The following TXNRD2 variants were observed in gnomAD, a reference collection of about 807,000 sequenced individuals.
The protein encoded by TXNRD2 is thioredoxin reductase 2, also known as thioredoxin reductase 2, mitochondrial.
A neutral mutation model predicts 70.8 loss-of-function variants in TXNRD2; 67 were observed. The ratio of observed to expected loss-of-function variants is 0.95; its 90% confidence interval spans 0.78 to 1.16. TXNRD2 has a LOEUF of 1.16. TXNRD2 is among the 50% of genes most tolerant of loss of function. The pLI is 0.00. For missense variants in TXNRD2, 644 were observed against 719.9 expected (o/e 0.89, Z 1.21); for synonymous variants, 301 against 295.8 (o/e 1.02, Z -0.18).
chr22:19,877,890 C>T (rs1448333964), intron 16 of TXNRD2, among the ~76,000 whole-genome samples, 200 bp downstream of exon 16: 1 of 152,148 alleles, frequency 6.6e-6, no homozygotes, highest in Non-Finnish European at 1.5e-5. Context: ...GCTGGCTCAA[C>T]AGCGTCTGGC....
intron 5 of TXNRD2, 154 bp from the exon 6 acceptor site, chr22:19,915,997 T>G (rs1940622607): frequency 1.5e-6 from 1 of 684,132 alleles, no homozygotes; most frequent in African/African-American, 1.8e-5. Flanking sequence ...GCAACCATGC[T>G]GAGAAGCATG....
intron 14 of TXNRD2, among the ~76,000 whole-genome samples, chr22:19,879,702 T>G (rs1938672281): frequency 6.6e-6 from 1 of 151,106 alleles, no homozygotes; most frequent in African/African-American, 2.4e-5. Context: ...CCCTGCAAGG[T>G]GGGGACAGCA....
At chr22:19,891,701 G>C (rs552237143) in intron 11 of TXNRD2, 11 of 152,286 alleles carry the variant, frequency 7.2e-5, no homozygotes, top group African/African-American at 2.2e-4. Flanking sequence ...CGCTGTAATC[G>C]GCACATCTGC....
chr22:19,929,094 G>A (rs1410557327), intron 2 of TXNRD2, among the ~76,000 whole-genome samples: 2 of 151,834 alleles, frequency 1.3e-5, no homozygotes, highest in East Asian at 1.9e-4. Flanking sequence ...TTGGGAGGCC[G>A]AGGTGGGTGG....
At chr22:19,932,580 C>T in intron 1 of TXNRD2, 1 of 1,458,476 alleles carries the variant, frequency 6.9e-7, no homozygotes, top group Non-Finnish European at 9.1e-7. Flanking sequence ...CACCAGCCAA[C>T]TCCCTGCTGA....
At chr22:19,930,913 G>T in intron 2 of TXNRD2, 117 bp downstream of exon 2, 2 of 898,614 alleles carry the variant, frequency 2.2e-6, no homozygotes, top group African/African-American at 1.6e-5. Context: ...AGGCCACTGG[G>T]GTGACCCCAG....
chr22:19,941,784 G>C lies in TXNRD2; in HGVS notation c.20C>G (p.Ala7Gly). 5 of 1,528,418 alleles carry C rather than the reference G, an allele frequency of 3.3e-6. No homozygotes were observed. Among genetic ancestry groups the C allele is most frequent in the Non-Finnish European group, 4.4e-6 (5 of 1,148,078 alleles). 94.7% of individuals were successfully genotyped at this position (1,528,418 alleles called of 1,614,324 possible). Residue 7 changes from alanine (A) to glycine (G), a missense_variant, in exon 1 of 18, where the codon GCG becomes GGG. By Grantham distance (60) the Ala-to-Gly change is moderately conservative. Coordinates refer to ENST00000400521, the MANE Select transcript of TXNRD2 (RefSeq NM_006440.5). ...GAAGCGCCCTCCTAATCCCCGCAGC[G>C]CCACCGCCATTGCCGCCATCGTCGT... MAAMAV[A>G]LRGLGGRFRW... is the part of the protein sequence containing the mutation.
rs372597944 is a variant in TXNRD2 at position 19,880,840 on chromosome 22, G to A, written c.1087-123C>T. ...TTAGAAAATCCCCAACACTGGCACC[G>A]AGCATGGTGACGTACAGCATTCCCC... On this transcript the variant is annotated intron_variant, in intron 12 of 17. Coordinates refer to ENST00000400521, the MANE Select transcript of TXNRD2 (RefSeq NM_006440.5). 2.9e-5 allele frequency: 20 copies of A among 683,954 alleles called. 1 individual carries two copies. The highest frequency in any genetic ancestry group is 4.1e-5 in the Non-Finnish European group (16 of 388,982). The allele number at this position is 683,954 out of a possible 1,614,324, so 42.4% of individuals were successfully genotyped here.
intron 1 of TXNRD2, among the ~76,000 whole-genome samples, chr22:19,938,931 T>C (rs896196597): frequency 2.0e-5 from 3 of 152,194 alleles, no homozygotes; most frequent in Admixed American, 2.0e-4. Context: ...TAAATGTTCC[T>C]AAAAACAATA....
intron 8 of TXNRD2, among the ~76,000 whole-genome samples, chr22:19,907,216 C>T (rs1456406579): frequency 3.8e-5 from 3 of 79,478 alleles, no homozygotes; most frequent in Non-Finnish European, 7.5e-5. Flanking sequence ...AGAGTGTGGG[C>T]GCCGTGAGTA....
chr22:19,885,579 GC>G (rs1479909743), intron 11 of TXNRD2, among the ~76,000 whole-genome samples: 2 of 152,208 alleles, frequency 1.3e-5, no homozygotes, highest in Admixed American at 6.5e-5. Context: ...AAGGAGCTGG[GC>G]CCCATGGGCA....
chr22:19,886,188 G>A (rs759433537), intron 11 of TXNRD2, among the ~76,000 whole-genome samples: 2 of 152,254 alleles, frequency 1.3e-5, no homozygotes. Flanking sequence ...GGCAGCCGAG[G>A]GCACAGTGGG....
rs559639722 is a variant in TXNRD2, at chr22:19,912,083, G to C, written c.592-636C>G. Among the ~76,000 whole-genome samples, 11 of 152,298 alleles carry C rather than the reference G, an allele frequency of 7.2e-5. No homozygotes were observed. The East Asian group carries it at 2.1e-3, about 29-fold the overall frequency. On this transcript the variant is annotated intron_variant, in intron 7 of 17. Transcript: ENST00000400521. Reference sequence around the variant, plus strand: ...AAGCCAGGACGGACTTCACACTCTCGAGGGCTGGCCCGGGTGGGCTCTGAG... The same window carrying C: ...AAGCCAGGACGGACTTCACACTCTCCAGGGCTGGCCCGGGTGGGCTCTGAG...
intron 12 of TXNRD2, 145 bp from the exon 13 acceptor site, chr22:19,880,862 C>G (rs1031486561): frequency 3.1e-6 from 2 of 638,056 alleles, no homozygotes; most frequent in Non-Finnish European, 5.6e-6. Flanking sequence ...GTACAGCATT[C>G]CCCCTAGAGC....
intron 8 of TXNRD2, among the ~76,000 whole-genome samples, chr22:19,902,040 TA>T (rs1939801261): frequency 6.6e-6 from 1 of 151,888 alleles, no homozygotes; most frequent in Non-Finnish European, 1.5e-5. Context: ...CTCTACAAAC[TA>T]AAAAAATTAC....
At chr22:19,902,490 T>C (rs1240693973) in intron 8 of TXNRD2, among the ~76,000 whole-genome samples, 1 of 152,182 alleles carries the variant, frequency 6.6e-6, no homozygotes, top group African/African-American at 2.4e-5. Context: ...ACCTGGCCCC[T>C]TGGAGGTCCT....
chr22:19,938,443 C>T (rs1941602613), intron 1 of TXNRD2, among the ~76,000 whole-genome samples: 1 of 152,160 alleles, frequency 6.6e-6, no homozygotes, highest in African/African-American at 2.4e-5. Context: ...GGCCTACCTG[C>T]ACCATACACA....
At chr22:19,932,295 G>A in intron 1 of TXNRD2, 2 of 1,611,662 alleles carry the variant, frequency 1.2e-6, no homozygotes, top group Non-Finnish European at 1.7e-6. Flanking sequence ...CACAGGGAGA[G>A]CTGCCTGGGC....
At chr22:19,882,372 T>C (rs1938817593) in intron 12 of TXNRD2, among the ~76,000 whole-genome samples, 2 of 152,186 alleles carry the variant, frequency 1.3e-5, no homozygotes. Context: ...CTAATTTTTG[T>C]ATTTTTTTAG....
Sources: gnomAD v4.1 joint callset for allele counts (sites outside exome capture counted in the v4.1 genomes callset) on GRCh38, gnomAD v4.1.1 for gene constraint, MANE v1.5 for transcripts, NCBI Gene and HGNC (gene_info 2026-07-23, HGNC 2026-07-21) for gene names.